PUDP: variants seen among roughly 807,000 people sequenced by gnomAD.
The protein encoded by PUDP is pseudouridine 5'-phosphatase.
A neutral mutation model predicts 9.4 loss-of-function variants in PUDP; 8 were observed. That is an observed-to-expected ratio of 0.85 (90% CI 0.50 to 1.53). The LOEUF (loss-of-function observed/expected upper bound fraction) is 1.53. Ranked by LOEUF, PUDP falls within the 40% of genes most tolerant of loss-of-function variation. The probability of loss-of-function intolerance (pLI) is 0.00; values close to 1 mark genes in which losing one functional copy is unlikely to be tolerated. For missense variants in PUDP, 188 were observed against 189.7 expected (o/e 0.99, Z 0.05); for synonymous variants, 99 against 80.7 (o/e 1.23, Z -1.22).
At chrX:7,027,817 G>T (rs1288918897) in intron 1 of PUDP, among the ~76,000 whole-genome samples, 2 of 433 alleles carry the variant, frequency 4.6e-3, no homozygotes, top group African/African-American at 7.5e-3. Flanking sequence ...TCTATATATA[G>T]ACTATAGAAT....
At chrX:7,107,800 C>T (rs1343846691) in intron 1 of PUDP, among the ~76,000 whole-genome samples, 1 of 112,756 alleles carries the variant, frequency 8.9e-6, no homozygotes, top group Non-Finnish European at 1.9e-5. Flanking sequence ...TGCACTCCAG[C>T]CTGGGCAACA....
chrX:7,012,628 C>T (rs1929493247), intron 1 of PUDP, among the ~76,000 whole-genome samples: 1 of 111,230 alleles, frequency 9.0e-6, no homozygotes, highest in African/African-American at 3.3e-5. Flanking sequence ...TTTAAACCTG[C>T]AGAAGCACAT....
intron 3 of PUDP, among the ~76,000 whole-genome samples, chrX:6,826,218 G>T (rs756651092): frequency 8.0e-5 from 9 of 111,845 alleles, no homozygotes; most frequent in African/African-American, 1.3e-4. Context: ...TTTTTAAATG[G>T]AAAGTCTATT....
intron 3 of PUDP, among the ~76,000 whole-genome samples, chrX:6,743,347 A>G (rs1196897936): frequency 1.8e-5 from 2 of 111,688 alleles, no homozygotes; most frequent in Admixed American, 9.5e-5. Flanking sequence ...CCATTGCTAC[A>G]GGCTAACATT....
At chrX:6,966,613 T>C (rs1317170007) in intron 3 of PUDP, among the ~76,000 whole-genome samples, 1 of 106,745 alleles carries the variant, frequency 9.4e-6, no homozygotes, top group African/African-American at 3.4e-5. Flanking sequence ...AGTGGTGCAA[T>C]TGTAGCTTGC....
At chrX:6,801,277 A>C (rs1304964581) in intron 3 of PUDP, among the ~76,000 whole-genome samples, 1 of 112,209 alleles carries the variant, frequency 8.9e-6, no homozygotes, top group South Asian at 3.7e-4. Flanking sequence ...AAAAACCCAC[A>C]CCCCTGGGTT....
At chrX:7,098,472 C>T (rs1261955815) in intron 2 of PUDP, among the ~76,000 whole-genome samples, 1 of 111,628 alleles carries the variant, frequency 9.0e-6, no homozygotes, top group Non-Finnish European at 1.9e-5. Context: ...TAATCACCTC[C>T]TGAAGGCCCC....
chrX:6,970,983 G>C (rs1174400998), intron 3 of PUDP, among the ~76,000 whole-genome samples: 1 of 110,807 alleles, frequency 9.0e-6, no homozygotes, highest in Non-Finnish European at 1.9e-5. Flanking sequence ...CCTGGGAGGT[G>C]GAGGTTGCAG....
chrX:6,707,842 T>C (rs1052790765), intron 1 of PUDP, among the ~76,000 whole-genome samples: 11 of 112,191 alleles, frequency 9.8e-5, no homozygotes, highest in Non-Finnish European at 1.7e-4. Flanking sequence ...ACAAGAAACA[T>C]GGTTGGAAAC....
intron 1 of PUDP, chrX:7,117,011 C>G (rs1172282555): frequency 8.6e-7 from 1 of 1,167,577 alleles, no homozygotes; most frequent in Non-Finnish European, 1.1e-6. Flanking sequence ...CCCGAAGCAG[C>G]TGCCACTATG....
At position 7,057,705 on chromosome X, in the gene PUDP, G is replaced by A. The variant is rs781119956; in HGVS notation, c.511-7233C>T. The A allele has an allele frequency of 2.4e-5, 27 of 1,148,700 alleles. 1 individual carries two copies. In the South Asian group the frequency reaches 2.5e-4, roughly 11 times the overall value. 94.7% of individuals were successfully genotyped at this position (1,148,700 alleles called of 1,213,427 possible). ...CACTGTGGCTGTGAGCTGGAGGTGCGGTCAGGTGTCATCAGAGCAGAGAAG... is the reference window on the plus strand; with the variant it reads ...CACTGTGGCTGTGAGCTGGAGGTGCAGTCAGGTGTCATCAGAGCAGAGAAG... On this transcript the variant is annotated intron_variant, in intron 3 of 3. Coordinates refer to ENST00000381077, the MANE Select transcript of PUDP (RefSeq NM_012080.5).
At chrX:6,793,806 G>C (rs1413095634) in intron 3 of PUDP, among the ~76,000 whole-genome samples, 1 of 111,370 alleles carries the variant, frequency 9.0e-6, no homozygotes, top group African/African-American at 3.2e-5. Context: ...TGATAGGAAA[G>C]GATAGGCTGG....
intron 3 of PUDP, among the ~76,000 whole-genome samples, chrX:6,728,032 A>G (rs1924761299): frequency 9.0e-6 from 1 of 111,589 alleles, no homozygotes; most frequent in African/African-American, 3.3e-5. Context: ...TTATAAAGAA[A>G]AAGAGGTTTA....
chrX:6,806,461 C>T (rs1416748816), intron 3 of PUDP, among the ~76,000 whole-genome samples: 1 of 111,706 alleles, frequency 9.0e-6, no homozygotes, highest in African/African-American at 3.3e-5. Flanking sequence ...GCAGCTGGGA[C>T]TACAGGTGCA....
intron 3 of PUDP, among the ~76,000 whole-genome samples, chrX:6,737,919 C>T (rs953626008): frequency 1.8e-5 from 2 of 111,363 alleles, no homozygotes; most frequent in African/African-American, 6.5e-5. Context: ...TACTATTATC[C>T]TGAAAGACCC....
At chrX:6,937,311 C>T (rs1173465267) in intron 3 of PUDP, among the ~76,000 whole-genome samples, 1 of 102,299 alleles carries the variant, frequency 9.8e-6, no homozygotes, top group Non-Finnish European at 2.0e-5. Flanking sequence ...AGAACAGAGC[C>T]CTCAGAAATA....
At chrX:6,789,862 C>CGACT (rs1424831453) in intron 3 of PUDP, among the ~76,000 whole-genome samples, 2 of 9,529 alleles carry the variant, frequency 2.1e-4, no homozygotes, top group African/African-American at 1.1e-3. Flanking sequence ...AGAAAAAAGA[C>CGACT]GATTGATAGA....
Position 6,751,358 on chromosome X carries a change from C to T in PUDP, c.*248-44892G>A, listed in dbSNP as rs764876215. Reference sequence around the variant, plus strand: ...GGATTCCCTTAGGTAACTTGCTTGACAATTCCCTTCGCAAAGTCTCTGGTT... The same window carrying T: ...GGATTCCCTTAGGTAACTTGCTTGATAATTCCCTTCGCAAAGTCTCTGGTT... On this transcript the variant is annotated intron_variant and NMD_transcript_variant, in intron 3 of 3. Coordinates refer to the PUDP transcript ENST00000655425. 2.7e-5 allele frequency among the ~76,000 whole-genome samples: 3 copies of T among 111,253 alleles called. No homozygotes were observed. In the East Asian group the frequency reaches 8.5e-4, roughly 32 times the overall value.
chrX:6,841,690 G>T (rs1417842268), intron 3 of PUDP, among the ~76,000 whole-genome samples: 1 of 112,233 alleles, frequency 8.9e-6, no homozygotes, highest in Admixed American at 9.4e-5. Context: ...TAGAGTTATT[G>T]AGATGTGCAT....
Sources: allele counts gnomAD v4.1 joint callset (sites outside exome capture counted in the v4.1 genomes callset), GRCh38; gene constraint gnomAD v4.1.1; transcripts MANE v1.5; gene names NCBI Gene and HGNC (gene_info 2026-07-23, HGNC 2026-07-21).